LRRC34: variants seen among roughly 807,000 people sequenced by gnomAD.
LRRC34 encodes leucine-rich repeat-containing protein 34.
In LRRC34, 44 loss-of-function variants were observed where a neutral mutation model predicts 48.5. The ratio of observed to expected loss-of-function variants is 0.91; its 90% CI spans 0.71 to 1.17. The LOEUF is 1.17. Ranked by LOEUF, LRRC34 falls within the 50% of genes most tolerant of loss-of-function variation. The probability of loss-of-function intolerance (pLI) is 0.00; values close to 1 mark genes in which losing one functional copy is unlikely to be tolerated. For missense variants in LRRC34, 502 were observed against 563.0 expected (o/e 0.89, Z 1.10); for synonymous variants, 192 against 197.6 (o/e 0.97, Z 0.24).
intron 1 of LRRC34, among the ~76,000 whole-genome samples, chr3:169,811,410 T>C (rs1457929552): frequency 2.0e-5 from 3 of 152,364 alleles, no homozygotes; most frequent in Middle Eastern, 6.8e-3. Flanking sequence ...CTACCCTTCC[T>C]TTGATTTAAA....
Position 169,795,919 on chromosome 3 carries a change from A to G in LRRC34, c.1064+295T>C, listed in dbSNP as rs1576731771. 3 of 679,832 alleles carry G rather than the reference A, an allele frequency of 4.4e-6. No homozygotes were observed. In the African/African-American group the frequency reaches 5.4e-5, roughly 12 times the overall value. The allele number at this position is 679,832 out of a possible 1,614,324, so 42.1% of individuals were successfully genotyped here. On this transcript the variant is annotated intron_variant, in intron 9 of 10. Transcript: ENST00000446859. ...TATTCTTTAGTTCATTCTTACTTTT[A>G]AAAGTCTTGATCATATTGAATGCTT... is the stretch of plus-strand genomic sequence containing the variant.
rs1484116096 is a variant in LRRC34 at position 169,812,472 on chromosome 3, C to T, written c.77G>A (p.Arg26Lys). ...CTGAGTGGAGGCCCAAGCCGGGGAC[C>T]TGGCCGGCGCACGGGCGGCCTCCCG... ...SSREAARAPA[R>K]SPAWASTQAS... Residue 26 changes from arginine (R) to lysine (K), a missense_variant, in exon 1 of 11, where the codon AGG becomes AAG. Transcript: ENST00000446859. This position sits in a 1 kb window ranked among gnomAD's most constrained non-coding sequence, Gnocchi z 4.3. 7.2e-6 allele frequency: 11 copies of T among 1,529,600 alleles called. No homozygotes were observed. Among genetic ancestry groups the T allele is most frequent in the Non-Finnish European group, 9.6e-6 (11 of 1,144,508 alleles). The allele number at this position is 1,529,600 out of a possible 1,614,324, so 94.8% of individuals were successfully genotyped here.
chr3:169,807,838 A>AT, intron 2 of LRRC34, 129 bp from the exon 3 acceptor site: 17 of 1,112,396 alleles, frequency 1.5e-5, no homozygotes, highest in Non-Finnish European at 2.1e-5. Context: ...AAGCAAGCAT[A>AT]TAATAAGTAG....
intron 1 of LRRC34, among the ~76,000 whole-genome samples, chr3:169,810,980 C>G (rs1288688662): frequency 2.0e-5 from 3 of 152,218 alleles, no homozygotes; most frequent in Non-Finnish European, 4.4e-5. Context: ...GACAGAATCG[C>G]TTGAATGCGG....
chr3:169,811,065 C>CATCT (rs1364653040), intron 1 of LRRC34, among the ~76,000 whole-genome samples: 2 of 152,266 alleles, frequency 1.3e-5, no homozygotes, highest in African/African-American at 4.8e-5. Context: ...GAGGAGACTC[C>CATCT]ATCTCAAAAA....
chr3:169,800,578 A>G (rs1779152566), intron 7 of LRRC34, 81 bp downstream of exon 7: 1 of 781,526 alleles, frequency 1.3e-6, no homozygotes, highest in East Asian at 2.7e-5. Context: ...CAGTGTATTC[A>G]TGTACCTTGA....
chr3:169,797,665 G>A (rs1415344200), intron 7 of LRRC34, among the ~76,000 whole-genome samples: 1 of 152,126 alleles, frequency 6.6e-6, no homozygotes, highest in African/African-American at 2.4e-5. Context: ...TGGAAATGCT[G>A]ATGATGAACA....
At position 169,808,644 on chromosome 3, in the gene LRRC34, C is replaced by T; in HGVS notation, c.241G>A (p.Glu81Lys). 6.6e-7 allele frequency: 1 copy of T among 1,513,332 alleles called. No individual in the cohort carries two copies. The highest frequency in any genetic ancestry group is 9.1e-7 in the Non-Finnish European group (1 of 1,098,468). The allele number at this position is 1,513,332 out of a possible 1,614,324, so 93.7% of individuals were successfully genotyped here. ...CTTTCTTACCCCTTTTTAATTTCTT[C>T]ATCCACTTCTTGGAGTATATGCAAT... is the stretch of plus-strand genomic sequence containing the variant. ...FILHILQEVDEEIKKGLAAGI... is the reference protein window; with the variant it reads ...FILHILQEVDKEIKKGLAAGI... The change falls in exon 2 of 11, where the codon GAA (glutamate) becomes AAA (lysine). Residue 81 changes from glutamate to lysine, a missense_variant. Physicochemically the swap from Glu to Lys is moderately conservative, Grantham distance 56. Transcript: ENST00000446859.
rs1026777692 is a variant in LRRC34, at chr3:169,796,656, C to G, written c.908+89G>C. On this transcript the variant is annotated intron_variant, in intron 8 of 10. Coordinates refer to ENST00000446859, the MANE Select transcript of LRRC34 (RefSeq NM_001172779.2). ...AGTTTCTAATCATTGGAAATAATGT[C>G]TAACAACGTATCCCAAGTACCATGA... 9 of 1,325,852 alleles carry G rather than the reference C, an allele frequency of 6.8e-6. No individual in the cohort carries two copies. In the Admixed American group the frequency reaches 8.5e-5, roughly 12 times the overall value. The allele number at this position is 1,325,852 out of a possible 1,614,324, so 82.1% of individuals were successfully genotyped here.
chr3:169,793,591 A>C lies in LRRC34; in HGVS notation c.*44T>G, dbSNP rs1238473717. 1 of 1,385,568 alleles carries C rather than the reference A, an allele frequency of 7.2e-7. No individual in the cohort carries two copies. Among genetic ancestry groups the C allele is most frequent in the Non-Finnish European group, 1.0e-6 (1 of 988,802 alleles). The allele number at this position is 1,385,568 out of a possible 1,614,324, so 85.8% of individuals were successfully genotyped here. On this transcript the variant is annotated 3_prime_UTR_variant, in exon 11 of 11. Coordinates refer to ENST00000446859, the MANE Select transcript of LRRC34 (RefSeq NM_001172779.2). ...AGGCTATAGAATATTAATCTCTGTG[A>C]AACAATAAGACAAGTGTATGAAAAT...
intron 6 of LRRC34, among the ~76,000 whole-genome samples, chr3:169,803,665 C>T (rs943112865): frequency 6.6e-6 from 1 of 152,294 alleles, no homozygotes; most frequent in East Asian, 1.9e-4. Flanking sequence ...CTCCTCACCT[C>T]GGGTGATCCA....
intron 6 of LRRC34, among the ~76,000 whole-genome samples, chr3:169,803,013 A>G (rs944263256): frequency 6.6e-6 from 1 of 151,994 alleles, no homozygotes; most frequent in African/African-American, 2.4e-5. Flanking sequence ...AGAATCTATT[A>G]TACCAGAGAG....
intron 6 of LRRC34, among the ~76,000 whole-genome samples, chr3:169,801,215 A>G (rs1779176673): frequency 6.6e-6 from 1 of 152,156 alleles, no homozygotes; most frequent in African/African-American, 2.4e-5. Flanking sequence ...GGAAGGGCCT[A>G]GTCTCCCCAT....
At chr3:169,801,016 GT>G (rs1009000233) in intron 6 of LRRC34, among the ~76,000 whole-genome samples, 1 of 151,860 alleles carries the variant, frequency 6.6e-6, no homozygotes, top group East Asian at 1.9e-4. Context: ...TTCCCTCTAG[GT>G]TTTTTTTCCT....
chr3:169,795,685 C>G (rs766006379), intron 9 of LRRC34, 74 bp from the exon 10 acceptor site: 66 of 1,531,400 alleles, frequency 4.3e-5, no homozygotes, highest in Non-Finnish European at 5.8e-5. Flanking sequence ...CTTGTGTAGT[C>G]TTAGCATTAT....
intron 6 of LRRC34, among the ~76,000 whole-genome samples, chr3:169,803,658 C>T (rs987250336): frequency 6.6e-6 from 1 of 152,180 alleles, no homozygotes; most frequent in Admixed American, 6.5e-5. Context: ...TCTTGGACTC[C>T]TCACCTCGGG....
At chr3:169,809,749 T>C (rs1366152970) in intron 1 of LRRC34, among the ~76,000 whole-genome samples, 1 of 152,214 alleles carries the variant, frequency 6.6e-6, no homozygotes, top group Non-Finnish European at 1.5e-5. Context: ...AGCTGGCTTC[T>C]CTTCTAAGTC....
Position 169,793,835 on chromosome 3 carries a change from A to G in LRRC34, c.1195T>C (p.Tyr399His). 1.3e-6 allele frequency: 2 copies of G among 1,597,036 alleles called. No individual in the cohort carries two copies. Among genetic ancestry groups the G allele is most frequent in the Admixed American group, 1.8e-5 (1 of 55,612 alleles). ...CAACCCATTTGAATTAAGTCTGAATATGCCTAGGATTTTTAGGAAAAAAAC... is the reference window on the plus strand; with the variant it reads ...CAACCCATTTGAATTAAGTCTGAATGTGCCTAGGATTTTTAGGAAAAAAAC... The part of the protein sequence containing the change: ...NKFDEATCIA[Y>H]SDLIQMGCLK... The change falls in exon 11 of 11, where the codon TAT (tyrosine) becomes CAT (histidine). Residue 399 changes from tyrosine to histidine, a missense_variant. Tyr to His is a moderately conservative substitution (Grantham distance 83, BLOSUM62 2). Transcript: ENST00000446859.
At position 169,795,495 on chromosome 3, in the gene LRRC34, G is replaced by A; in HGVS notation, c.1181C>T (p.Ala394Val). 6.2e-7 allele frequency: 1 copy of A among 1,611,712 alleles called. No individual in the cohort carries two copies. Among genetic ancestry groups the A allele is most frequent in the South Asian group, 1.1e-5 (1 of 90,862 alleles). Residue 394 changes from alanine (A) to valine (V), a missense_variant, in exon 10 of 11, where the codon GCT becomes GTT. Physicochemically the swap from Ala to Val is moderately conservative, Grantham distance 64. Transcript: ENST00000446859. ...AAACTTAAAACTTACTATACACGTA[G>A]CCTCATCAAATTTGTTTCCCCAAAT... ...IYIWGNKFDE[A>V]TCIAYSDLIQ...
Sources: allele counts gnomAD v4.1 joint callset (sites outside exome capture counted in the v4.1 genomes callset), GRCh38; gene constraint gnomAD v4.1.1; non-coding constraint Gnocchi (gnomAD v3.1); transcripts MANE v1.5; gene names NCBI Gene and HGNC (gene_info 2026-07-23, HGNC 2026-07-21).